ATOSA: variants seen among roughly 807,000 people sequenced by gnomAD.
ATOSA encodes atos homolog protein A.
the ATOSA span, chr15:52,600,290 T>TA: frequency 4.7e-6 from 5 of 1,065,306 alleles, no homozygotes; most frequent in African/African-American, 1.6e-5. Context: ...CTTTTTTTTT[T>TA]AATCTTGAGA....
At chr15:52,627,032 T>C in the ATOSA span, among the ~76,000 whole-genome samples, 1 of 152,206 alleles carries the variant, frequency 6.6e-6, no homozygotes, top group African/African-American at 2.4e-5. Context: ...GAATGCTCTT[T>C]GTTTCTCTGC....
chr15:52,665,019 C>G, the ATOSA span, among the ~76,000 whole-genome samples: 1 of 152,014 alleles, frequency 6.6e-6, no homozygotes, highest in Non-Finnish European at 1.5e-5. Flanking sequence ...TTCAGAAAAC[C>G]AAATATTGCA....
At chr15:52,660,613 C>T in the ATOSA span, among the ~76,000 whole-genome samples, 134,407 of 152,258 alleles carry the variant, frequency 0.88, 59,455 homozygotes, top group East Asian at 1. Flanking sequence ...ACAATAACAA[C>T]AGGCAAATTT....
chr15:52,598,227 C>CA, the ATOSA span, among the ~76,000 whole-genome samples: 4 of 151,920 alleles, frequency 2.6e-5, no homozygotes, highest in East Asian at 5.8e-4. Context: ...AAAAAAATCA[C>CA]AAAAAAAATC....
the ATOSA span, among the ~76,000 whole-genome samples, chr15:52,583,775 C>A: frequency 1.0e-3 from 155 of 152,326 alleles, no homozygotes; most frequent in African/African-American, 3.6e-3. Flanking sequence ...ATGTGGCTTA[C>A]ATCAGGTAGT....
At chr15:52,604,398 G>A in the ATOSA span, among the ~76,000 whole-genome samples, 13 of 152,210 alleles carry the variant, frequency 8.5e-5, no homozygotes, top group African/African-American at 2.4e-4. Flanking sequence ...TTGAACATAC[G>A]CGAGATACTG....
the ATOSA span, among the ~76,000 whole-genome samples, chr15:52,641,969 T>C: frequency 2.6e-5 from 4 of 152,350 alleles, no homozygotes; most frequent in East Asian, 5.8e-4. Context: ...AAGTATAGAA[T>C]ATTTCTAAAT....
chr15:52,616,223 G>A, the ATOSA span, among the ~76,000 whole-genome samples: 4 of 152,194 alleles, frequency 2.6e-5, no homozygotes, highest in African/African-American at 9.6e-5. Context: ...GGAAGACAGT[G>A]GTGATGAAAG....
chr15:52,659,969 G>C, the ATOSA span, among the ~76,000 whole-genome samples: 1 of 152,172 alleles, frequency 6.6e-6, no homozygotes, highest in African/African-American at 2.4e-5. Context: ...GCATAAACCA[G>C]GATCATCCTA....
chr15:52,703,529 C>A, the ATOSA span, among the ~76,000 whole-genome samples: 2 of 152,122 alleles, frequency 1.3e-5, no homozygotes, highest in Non-Finnish European at 2.9e-5. Flanking sequence ...CTATACCTAA[C>A]AAAACTACCT....
At chr15:52,657,138 A>G in the ATOSA span, 1 of 152,192 alleles carries the variant, frequency 6.6e-6, no homozygotes. Flanking sequence ...GTTACCCTGT[A>G]AGAATCACCA....
At chr15:52,610,897 A>G in the ATOSA span, among the ~76,000 whole-genome samples, 2 of 152,236 alleles carry the variant, frequency 1.3e-5, no homozygotes, top group Non-Finnish European at 2.9e-5. Context: ...TTGGTTCTCT[A>G]AAGTAAGCTT....
At chr15:52,668,640 A>G in the ATOSA span, among the ~76,000 whole-genome samples, 5 of 152,230 alleles carry the variant, frequency 3.3e-5, no homozygotes, top group Admixed American at 2.6e-4. Flanking sequence ...CACAACATAT[A>G]TATGTATTGG....
chr15:52,645,345 G>A, the ATOSA span, among the ~76,000 whole-genome samples: 10 of 152,216 alleles, frequency 6.6e-5, no homozygotes, highest in South Asian at 4.1e-4. Flanking sequence ...AGGCTGAGGC[G>A]GTAGGATTGC....
the ATOSA span, among the ~76,000 whole-genome samples, chr15:52,694,920 G>GT: frequency 0.029 from 3,788 of 130,426 alleles, 152 homozygotes; most frequent in African/African-American, 0.094. Context: ...TTTTTTTTCT[G>GT]TTTTTTTTTG....
the ATOSA span, chr15:52,611,616 T>C: frequency 1.1e-4 from 183 of 1,613,940 alleles, 1 homozygote; most frequent in Non-Finnish European, 1.7e-5. Context: ...CTAATAATAA[T>C]GCATCTTGCT....
chr15:52,633,971 C>T, the ATOSA span, among the ~76,000 whole-genome samples: 1 of 152,064 alleles, frequency 6.6e-6, no homozygotes, highest in Non-Finnish European at 1.5e-5. Flanking sequence ...TTATACTATA[C>T]ACAAAGTGGC....
chr15:52,609,041 T>C, the ATOSA span: 1 of 1,613,418 alleles, frequency 6.2e-7, no homozygotes, highest in East Asian at 2.2e-5. Flanking sequence ...AATCTGCTTG[T>C]CAAATCTAAG....
chr15:52,587,617 G>C, the ATOSA span: 2 of 153,266 alleles, frequency 1.3e-5, no homozygotes, highest in African/African-American at 4.8e-5. Flanking sequence ...GTGTAGGAAA[G>C]TAAGCCTTGG....
Sources: allele counts gnomAD v4.1 joint callset (sites outside exome capture counted in the v4.1 genomes callset), GRCh38; gene constraint gnomAD v4.1.1; transcripts MANE v1.5; gene names NCBI Gene and HGNC (gene_info 2026-07-23, HGNC 2026-07-21).